The following TENM2 variants were observed in gnomAD, a reference collection of about 807,000 sequenced individuals.
TENM2 encodes teneurin-2.
A neutral mutation model predicts 245.2 loss-of-function variants in TENM2; 52 were observed. The observed-to-expected ratio is 0.21, with a 90% CI of 0.17 to 0.27. TENM2 has a LOEUF of 0.27. Ranked by LOEUF, TENM2 falls within the 10% of genes least tolerant of loss-of-function variation. TENM2 has a pLI of 1.00. For missense variants in TENM2, 3,046 were observed against 3,666.8 expected, an observed-to-expected ratio of 0.83 and a Z score of 4.37; for synonymous variants, 1,363 against 1,438.9, an observed-to-expected ratio of 0.95 and a Z score of 1.19.
intron 1 of TENM2, among the ~76,000 whole-genome samples, chr5:167,296,948 G>A (rs1282690052): frequency 6.6e-6 from 1 of 152,144 alleles, no homozygotes; most frequent in Non-Finnish European, 1.5e-5. Context: ...GTGACTCATT[G>A]GACTCTCCTG....
intron 2 of TENM2, among the ~76,000 whole-genome samples, chr5:167,585,251 G>C (rs937461204): frequency 2.1e-4 from 32 of 152,286 alleles, no homozygotes; most frequent in African/African-American, 7.2e-4. Flanking sequence ...ACACTCTTTA[G>C]ATGTTTTCTT....
chr5:167,501,004 C>A (rs1769177995), intron 2 of TENM2, among the ~76,000 whole-genome samples: 2 of 152,076 alleles, frequency 1.3e-5, no homozygotes, highest in South Asian at 4.2e-4. Flanking sequence ...AGTGTGATAA[C>A]CAAGTGTGGG....
intron 7 of TENM2, among the ~76,000 whole-genome samples, chr5:168,068,788 G>A (rs1183641430): frequency 1.3e-5 from 2 of 152,026 alleles, no homozygotes; most frequent in African/African-American, 2.4e-5. Flanking sequence ...ATTCATTTGA[G>A]TGGTTGTAAT....
Position 168,218,019 on chromosome 5 carries a change from A to T in TENM2, c.4234-106A>T. On this transcript the variant is annotated intron_variant, in intron 22 of 28. Transcript: ENST00000518659. The surrounding 1 kb of genome is among the most constrained non-coding windows in gnomAD (Gnocchi z 5.2). ...AGCATTTCTAATACAATGTGTTATT[A>T]AAAAGCTGTCTTTTTTCCTAGATAT... 2.4e-6 allele frequency: 3 copies of T among 1,253,680 alleles called. No individual in the cohort carries two copies. The highest frequency in any genetic ancestry group is 1.5e-5 in the African/African-American group (1 of 66,574). 77.7% of individuals were successfully genotyped at this position (1,253,680 alleles called of 1,614,324 possible). A position where few individuals can be genotyped will look rare whatever the true frequency, so the allele number is the denominator to read the frequency against.
At chr5:167,594,902 G>A (rs904177899) in intron 2 of TENM2, among the ~76,000 whole-genome samples, 4 of 152,166 alleles carry the variant, frequency 2.6e-5, no homozygotes, top group African/African-American at 7.2e-5. Flanking sequence ...GAAGTGAAAG[G>A]TTGATTGTTT....
chr5:168,020,038 G>C (rs920131379), intron 5 of TENM2, among the ~76,000 whole-genome samples: 5 of 152,128 alleles, frequency 3.3e-5, no homozygotes, highest in South Asian at 2.1e-4. Context: ...GTTCTCTGAG[G>C]GTTAGGATCC....
intron 2 of TENM2, among the ~76,000 whole-genome samples, chr5:167,384,056 G>A (rs1761263505): frequency 6.6e-6 from 1 of 152,102 alleles, no homozygotes; most frequent in Admixed American, 6.6e-5. Flanking sequence ...CTTTGTATTG[G>A]TAATGACCGT....
At chr5:167,105,329 T>A in the TENM2 span, among the ~76,000 whole-genome samples, 1 of 152,220 alleles carries the variant, frequency 6.6e-6, no homozygotes, top group Admixed American at 6.5e-5. Context: ...ATCACCCCAT[T>A]ACTGAAAGAG....
chr5:168,209,514 C>G (rs1762626639), intron 19 of TENM2, among the ~76,000 whole-genome samples: 1 of 152,162 alleles, frequency 6.6e-6, no homozygotes, highest in South Asian at 2.1e-4. Flanking sequence ...TGAAACTAAA[C>G]CAAATGCACC....
chr5:167,656,742 A>G (rs2150308822), intron 2 of TENM2, among the ~76,000 whole-genome samples: 1 of 152,284 alleles, frequency 6.6e-6, no homozygotes, highest in South Asian at 2.1e-4. Flanking sequence ...AATTAAAGAA[A>G]TCCCAGTTAA....
At position 167,471,201 on chromosome 5, in the gene TENM2, T is replaced by C. The variant is rs114393987; in HGVS notation, c.502+95728T>C. The stretch of plus-strand genomic sequence containing the variant: ...CTTGCTTCCCATCTCTACATATTCA[T>C]GAGAATTCTTCCTTGCTCTGTTGTA... On this transcript the variant is annotated intron_variant, in intron 2 of 28. Transcript: ENST00000518659. Among the ~76,000 whole-genome samples, 592 of 152,316 alleles carry C rather than the reference T, an allele frequency of 3.9e-3. 6 individuals carry two copies. Among genetic ancestry groups the C allele is most frequent in the African/African-American group, 0.013 (557 of 41,564 alleles).
the TENM2 span, among the ~76,000 whole-genome samples, chr5:167,016,215 C>T: frequency 7.0e-6 from 1 of 142,758 alleles, no homozygotes; most frequent in Admixed American, 7.4e-5. Context: ...GATGGGGCCA[C>T]TACATTCCAG....
chr5:167,758,953 T>C (rs1762485354), intron 2 of TENM2, among the ~76,000 whole-genome samples: 1 of 152,014 alleles, frequency 6.6e-6, no homozygotes. Flanking sequence ...TTTTCCACCA[T>C]ACTGCTTTTA....
chr5:167,187,278 T>C, the TENM2 span, among the ~76,000 whole-genome samples: 1 of 152,178 alleles, frequency 6.6e-6, no homozygotes, highest in Non-Finnish European at 1.5e-5. Context: ...ACCTGACTTT[T>C]AGGAAGCCAT....
chr5:167,664,770 C>T (rs1755461561), intron 2 of TENM2, among the ~76,000 whole-genome samples: 1 of 152,074 alleles, frequency 6.6e-6, no homozygotes, highest in South Asian at 2.1e-4. Context: ...ATAGTAGTAC[C>T]AAGGGACATT....
intron 2 of TENM2, among the ~76,000 whole-genome samples, chr5:167,424,790 GT>G (rs1763714715): frequency 1.3e-5 from 2 of 152,058 alleles, no homozygotes; most frequent in African/African-American, 4.8e-5. Context: ...TTGTGCAGTT[GT>G]TAGCACATTA....
chr5:167,993,237 G>A (rs2152012529), intron 5 of TENM2, 55 bp downstream of exon 7: 2 of 1,443,388 alleles, frequency 1.4e-6, no homozygotes, highest in East Asian at 2.3e-5. Flanking sequence ...TGAGGGGAGA[G>A]GCCATGGACT....
chr5:167,020,210 G>A, the TENM2 span, among the ~76,000 whole-genome samples: 16 of 152,128 alleles, frequency 1.1e-4, 1 homozygote, highest in Admixed American at 1.0e-3. Flanking sequence ...CTATTTGTGA[G>A]TAGCTTTGAG....
intron 2 of TENM2, among the ~76,000 whole-genome samples, chr5:167,704,562 A>C (rs1758375752): frequency 6.6e-6 from 1 of 152,146 alleles, no homozygotes; most frequent in African/African-American, 2.4e-5. Context: ...AGACTTAAAT[A>C]CCAATATTAG....
Sources: allele counts gnomAD v4.1 joint callset (sites outside exome capture counted in the v4.1 genomes callset), GRCh38; gene constraint gnomAD v4.1.1; non-coding constraint Gnocchi (gnomAD v3.1); transcripts MANE v1.5; gene names NCBI Gene and HGNC (gene_info 2026-07-23, HGNC 2026-07-21).